Variants in PLA2G4A observed in about 807,000 individuals in gnomAD.
PLA2G4A encodes phospholipase A2 group IVA.
A neutral mutation model predicts 81.9 loss-of-function variants in PLA2G4A; 40 were observed. The observed-to-expected ratio is 0.49, with a 90% CI of 0.38 to 0.64. The LOEUF (loss-of-function observed/expected upper bound fraction) is 0.64. PLA2G4A is among the 30% of genes least tolerant of loss of function. PLA2G4A has a pLI of 0.00. For missense variants in PLA2G4A, 715 were observed against 905.1 expected (o/e 0.79, Z 2.69); for synonymous variants, 302 against 296.9 (o/e 1.02, Z -0.18).
chr1:186,927,832 C>T (rs1005143820), intron 7 of PLA2G4A, among the ~76,000 whole-genome samples: 5 of 152,108 alleles, frequency 3.3e-5, no homozygotes, highest in Non-Finnish European at 7.4e-5. Context: ...AGAAATCAAC[C>T]TTGAGTTGTC....
intron 1 of PLA2G4A, among the ~76,000 whole-genome samples, chr1:186,846,880 A>G (rs182380394): frequency 6.6e-6 from 1 of 152,012 alleles, no homozygotes; most frequent in African/African-American, 2.4e-5. Context: ...ATTAAACTCT[A>G]TGCCTTAATT....
chr1:186,957,089 T>C (rs1656780046), intron 14 of PLA2G4A, among the ~76,000 whole-genome samples: 1 of 118,182 alleles, frequency 8.5e-6, no homozygotes, highest in Non-Finnish European at 1.7e-5. Flanking sequence ...GAGGCAGACA[T>C]TGCAGTGAGC....
intron 10 of PLA2G4A, among the ~76,000 whole-genome samples, chr1:186,944,373 C>T (rs879802500): frequency 6.6e-5 from 10 of 152,058 alleles, no homozygotes; most frequent in Non-Finnish European, 1.5e-4. Flanking sequence ...GTGCCCAGGC[C>T]ATGGCGCTAA....
intron 6 of PLA2G4A, among the ~76,000 whole-genome samples, chr1:186,909,024 A>C (rs540625271): frequency 8.4e-6 from 1 of 118,832 alleles, no homozygotes; most frequent in East Asian, 2.5e-4. Flanking sequence ...CCCAGGCTGG[A>C]GTGCAGTGGC....
chr1:186,958,935 C>T (rs1571443719), intron 14 of PLA2G4A, among the ~76,000 whole-genome samples: 1 of 152,096 alleles, frequency 6.6e-6, no homozygotes, highest in Admixed American at 6.5e-5. Context: ...ATTCTTGCAG[C>T]ATTTAGGATG....
At chr1:186,880,446 C>T (rs1266244806) in intron 3 of PLA2G4A, among the ~76,000 whole-genome samples, 2 of 151,724 alleles carry the variant, frequency 1.3e-5, no homozygotes, top group African/African-American at 4.8e-5. Flanking sequence ...TGCAGTGGTT[C>T]TAAACTGGGA....
intron 2 of PLA2G4A, among the ~76,000 whole-genome samples, chr1:186,858,672 G>A (rs925722803): frequency 6.6e-6 from 1 of 151,924 alleles, no homozygotes; most frequent in African/African-American, 2.4e-5. Context: ...GTTAACTATA[G>A]CAACATATTT....
At chr1:186,944,869 G>A (rs1426070363) in intron 10 of PLA2G4A, among the ~76,000 whole-genome samples, 1 of 152,048 alleles carries the variant, frequency 6.6e-6, no homozygotes, top group Non-Finnish European at 1.5e-5. Flanking sequence ...CATTGAGTGG[G>A]ATAAATGAAT....
At chr1:186,976,857 G>T (rs916568413) in intron 15 of PLA2G4A, among the ~76,000 whole-genome samples, 3 of 152,144 alleles carry the variant, frequency 2.0e-5, no homozygotes, top group Non-Finnish European at 4.4e-5. Flanking sequence ...GTATTTCTTG[G>T]CCACTTACAT....
chr1:186,831,117 C>T (rs977103864), intron 1 of PLA2G4A, among the ~76,000 whole-genome samples: 4 of 151,720 alleles, frequency 2.6e-5, no homozygotes, highest in African/African-American at 9.7e-5. Context: ...GTATGGACCC[C>T]TCCCTAGAAT....
chr1:186,969,922 T>A (rs1657279797), intron 15 of PLA2G4A, among the ~76,000 whole-genome samples: 2 of 152,024 alleles, frequency 1.3e-5, no homozygotes, highest in South Asian at 4.1e-4. Flanking sequence ...TTTGGGTATA[T>A]ACCCAGTAAT....
intron 3 of PLA2G4A, among the ~76,000 whole-genome samples, chr1:186,892,535 C>A (rs1000965269): frequency 3.9e-5 from 6 of 152,174 alleles, no homozygotes; most frequent in Admixed American, 3.3e-4. Flanking sequence ...TTCCCAGCAC[C>A]ATTTATTGAA....
chr1:186,950,217 T>C (rs1656507838), intron 12 of PLA2G4A, among the ~76,000 whole-genome samples: 1 of 152,208 alleles, frequency 6.6e-6, no homozygotes, highest in Non-Finnish European at 1.5e-5. Flanking sequence ...AAAGATAATT[T>C]ATGTTAGTAT....
At chr1:186,930,005 A>T (rs1655684119) in intron 7 of PLA2G4A, among the ~76,000 whole-genome samples, 1 of 152,180 alleles carries the variant, frequency 6.6e-6, no homozygotes, top group African/African-American at 2.4e-5. Context: ...CATCCTGGGC[A>T]ACATGGCAAA....
intron 5 of PLA2G4A, among the ~76,000 whole-genome samples, chr1:186,894,441 C>T (rs1654264139): frequency 6.6e-6 from 1 of 152,126 alleles, no homozygotes; most frequent in Admixed American, 6.6e-5. Context: ...AGGCTTTAAT[C>T]TCCTTTGTTG....
chr1:186,867,477 T>C (rs1469700178), intron 2 of PLA2G4A, among the ~76,000 whole-genome samples: 1 of 141,654 alleles, frequency 7.1e-6, no homozygotes, highest in Admixed American at 7.4e-5. Context: ...TAGTATTGTG[T>C]TTTTAATTTC....
intron 2 of PLA2G4A, among the ~76,000 whole-genome samples, chr1:186,856,902 T>C (rs928779746): frequency 6.7e-6 from 1 of 150,188 alleles, no homozygotes; most frequent in Non-Finnish European, 1.5e-5. Flanking sequence ...GAAGGCGGGA[T>C]ATAATAGTAC....
chr1:186,965,541 T>C lies in PLA2G4A; in HGVS notation c.1712T>C (p.Ile571Thr). ...AGACCTCAGAGAGGGGTTGATCTCA[T>C]AATCTCCTTTGACTTTTCTGCAAGG... ...ILRPQRGVDL[I>T]ISFDFSARPS... The change falls in exon 15 of 18, where the codon ATA becomes ACA. Residue 571 changes from isoleucine to threonine, a missense_variant. Transcript: ENST00000367466. The C allele has an allele frequency of 6.2e-7, 1 of 1,613,704 alleles. No homozygotes were observed. The highest frequency in any genetic ancestry group is 8.5e-7 in the Non-Finnish European group (1 of 1,179,564).
At chr1:186,909,217 G>A (rs1299344132) in intron 6 of PLA2G4A, among the ~76,000 whole-genome samples, 4 of 149,758 alleles carry the variant, frequency 2.7e-5, no homozygotes, top group South Asian at 2.1e-4. Flanking sequence ...CTCGTGATCC[G>A]CCTGCCTCGG....
Sources: gnomAD v4.1 joint callset for allele counts (sites outside exome capture counted in the v4.1 genomes callset) on GRCh38, gnomAD v4.1.1 for gene constraint, MANE v1.5 for transcripts, NCBI Gene and HGNC (gene_info 2026-07-23, HGNC 2026-07-21) for gene names.